The following MBNL1 variants were observed in gnomAD, a reference collection of about 807,000 sequenced individuals.
MBNL1 encodes muscleblind-like protein 1.
A neutral mutation model predicts 42.2 loss-of-function variants in MBNL1; 8 were observed. That is an observed-to-expected ratio of 0.19 (90% CI 0.11 to 0.34). MBNL1 has a LOEUF of 0.34. Among genes scored for constraint, MBNL1 ranks in the 10% least tolerant of loss-of-function variants. MBNL1 has a pLI of 1.00. For missense variants in MBNL1, 309 were observed against 495.3 expected, an observed-to-expected ratio of 0.62 and a Z score of 3.57; for synonymous variants, 169 against 173.9, an observed-to-expected ratio of 0.97 and a Z score of 0.22.
intron 2 of MBNL1, among the ~76,000 whole-genome samples, chr3:152,345,102 A>G (rs1560228694): frequency 6.6e-6 from 1 of 151,820 alleles, no homozygotes; most frequent in Non-Finnish European, 1.5e-5. Context: ...TTTTTCCTAA[A>G]TTCCTAATGC....
intron 1 of MBNL1, among the ~76,000 whole-genome samples, chr3:152,270,308 G>A (rs1293610533): frequency 6.6e-6 from 1 of 152,164 alleles, no homozygotes; most frequent in Non-Finnish European, 1.5e-5. Flanking sequence ...AATACGCTAG[G>A]AGAGAAGTCA....
intron 4 of MBNL1, among the ~76,000 whole-genome samples, chr3:152,435,999 T>C (rs569180132): frequency 6.6e-6 from 1 of 152,168 alleles, no homozygotes; most frequent in Non-Finnish European, 1.5e-5. Context: ...ACAGGGATAA[T>C]TTGACTTCCT....
At chr3:152,338,834 T>A (rs1412553578) in intron 2 of MBNL1, among the ~76,000 whole-genome samples, 2 of 152,152 alleles carry the variant, frequency 1.3e-5, no homozygotes, top group African/African-American at 4.8e-5. Context: ...TAAAAACTCT[T>A]ATAGGAATTT....
intron 2 of MBNL1, among the ~76,000 whole-genome samples, chr3:152,335,474 A>C (rs1422456912): frequency 1.3e-5 from 2 of 152,202 alleles, no homozygotes; most frequent in Non-Finnish European, 2.9e-5. Flanking sequence ...AAGTTTGTTC[A>C]GTACTTCAGT....
At chr3:152,386,630 A>G (rs899982115) in intron 2 of MBNL1, among the ~76,000 whole-genome samples, 1 of 152,130 alleles carries the variant, frequency 6.6e-6, no homozygotes, top group Non-Finnish European at 1.5e-5. Context: ...TGATACATCT[A>G]TCTCAACATC....
intron 4 of MBNL1, 69 bp from the exon 5 acceptor site, chr3:152,445,213 A>T (rs2099205743): frequency 7.1e-7 from 1 of 1,416,572 alleles, no homozygotes; most frequent in Non-Finnish European, 9.7e-7. Flanking sequence ...TTGCACTTTA[A>T]GTTAAAATCT....
rs1577910418 is a variant in MBNL1, at chr3:152,323,585, A to C, written c.174+23218A>C. On this transcript the variant is annotated intron_variant, in intron 2 of 9. Coordinates refer to ENST00000324210, the MANE Select transcript of MBNL1 (RefSeq NM_021038.5). The stretch of plus-strand genomic sequence containing the variant: ...ACAAACCTAAATGGTATAGCCTACT[A>C]CACATCTAGGCTGTATAGTACGGCC... Among the ~76,000 whole-genome samples, 3 of 152,128 alleles carry C rather than the reference A, an allele frequency of 2.0e-5. No individual in the cohort carries two copies. In the East Asian group the frequency reaches 5.8e-4, roughly 29 times the overall value.
At chr3:152,401,139 G>A (rs373111254) in intron 2 of MBNL1, among the ~76,000 whole-genome samples, 8 of 152,190 alleles carry the variant, frequency 5.3e-5, no homozygotes, top group South Asian at 2.1e-4. Flanking sequence ...TGTGATAGCT[G>A]GACACCCAGA....
chr3:152,397,035 A>G (rs2097985770), intron 2 of MBNL1, among the ~76,000 whole-genome samples: 1 of 152,208 alleles, frequency 6.6e-6, no homozygotes, highest in Non-Finnish European at 1.5e-5. Flanking sequence ...CTGGCTGGAC[A>G]ATACAAAGAG....
At chr3:152,372,795 G>T (rs932916453) in intron 2 of MBNL1, among the ~76,000 whole-genome samples, 3 of 152,216 alleles carry the variant, frequency 2.0e-5, no homozygotes, top group Admixed American at 6.5e-5. Flanking sequence ...ACTTGAGGAG[G>T]CAGTCTGTCC....
At chr3:152,267,396 T>C (rs1576833467), upstream of MBNL1, 1 of 152,274 alleles carries the variant, frequency 6.6e-6, no homozygotes, top group Non-Finnish European at 1.5e-5. Flanking sequence ...AATTAATCGG[T>C]TTGTCTCTCA....
chr3:152,379,150 A>C (rs1345833528), intron 2 of MBNL1, among the ~76,000 whole-genome samples: 1 of 152,212 alleles, frequency 6.6e-6, no homozygotes, highest in Admixed American at 6.5e-5. Context: ...AATTAATTAA[A>C]AATTTGTCAT....
At chr3:152,454,509 T>C (rs1299460077) in intron 6 of MBNL1, among the ~76,000 whole-genome samples, 1 of 152,196 alleles carries the variant, frequency 6.6e-6, no homozygotes, top group Non-Finnish European at 1.5e-5. Flanking sequence ...AGAACAGTAG[T>C]TCTGCATATG....
rs1747999656 is a variant in MBNL1 at position 152,462,739 on chromosome 3, A to G, written c.*373A>G. 1 of 152,186 alleles carries G rather than the reference A, an allele frequency of 6.6e-6. No homozygotes were observed. The highest frequency in any genetic ancestry group is 6.5e-5 in the Admixed American group (1 of 15,274). 9.4% of individuals were successfully genotyped at this position (152,186 alleles called of 1,614,324 possible). ...CAGACTATGGTGTAACCATGATTCTATTATGTATTGGTACGTCTGTAGACC... is the reference window on the plus strand; with the variant it reads ...CAGACTATGGTGTAACCATGATTCTGTTATGTATTGGTACGTCTGTAGACC... On this transcript the variant is annotated 3_prime_UTR_variant, in exon 10 of 10. Coordinates refer to ENST00000324210, the MANE Select transcript of MBNL1 (RefSeq NM_021038.5).
chr3:152,294,369 T>C (rs1437158738), intron 1 of MBNL1, among the ~76,000 whole-genome samples: 1 of 148,772 alleles, frequency 6.7e-6, no homozygotes, highest in East Asian at 2.0e-4. Context: ...CTGCAAGCTC[T>C]GCCTCCCAGG....
intron 2 of MBNL1, among the ~76,000 whole-genome samples, chr3:152,409,551 AC>A (rs773479422): frequency 2.0e-5 from 3 of 152,184 alleles, no homozygotes; most frequent in Non-Finnish European, 2.9e-5. Flanking sequence ...AGCAATGAAT[AC>A]CCAGAAAGTG....
chr3:152,450,242 T>C (rs563087480), intron 6 of MBNL1, among the ~76,000 whole-genome samples: 239 of 152,296 alleles, frequency 1.6e-3, no homozygotes, highest in African/African-American at 5.6e-3. Context: ...AACTCAGTTA[T>C]AAGGGCCTGA....
At chr3:152,366,985 A>G (rs1214569927) in intron 2 of MBNL1, among the ~76,000 whole-genome samples, 2 of 152,196 alleles carry the variant, frequency 1.3e-5, no homozygotes, top group East Asian at 3.8e-4. Context: ...ATATATTTAC[A>G]TAAAACAAGG....
chr3:152,429,751 A>G (rs1392257634), intron 3 of MBNL1, among the ~76,000 whole-genome samples: 2 of 152,036 alleles, frequency 1.3e-5, no homozygotes, highest in African/African-American at 4.8e-5. Context: ...TGATGTAACA[A>G]ATTTACAAAA....
Sources: allele counts gnomAD v4.1 joint callset (sites outside exome capture counted in the v4.1 genomes callset), GRCh38; gene constraint gnomAD v4.1.1; transcripts MANE v1.5; gene names NCBI Gene and HGNC (gene_info 2026-07-23, HGNC 2026-07-21).